Variants in RYR3 observed in about 807,000 individuals in gnomAD.
The protein encoded by RYR3 is brain ryanodine receptor-calcium release channel.
In RYR3, 207 loss-of-function variants were observed where a neutral mutation model predicts 584.3. The ratio of observed to expected loss-of-function variants is 0.35; its 90% CI spans 0.32 to 0.40. The LOEUF (loss-of-function observed/expected upper bound fraction) is 0.40. RYR3 is among the 10% of genes least tolerant of loss of function. The pLI is 1.00. For synonymous variants in RYR3, 2,416 were observed against 2,248.5 expected (o/e 1.07, Z -2.11); for missense variants, 5,616 against 6,089.2 (o/e 0.92, Z 2.59).
chr15:33,718,985 T>G (rs1238679782), intron 43 of RYR3, among the ~76,000 whole-genome samples: 1 of 152,198 alleles, frequency 6.6e-6, no homozygotes, highest in Non-Finnish European at 1.5e-5. Context: ...TCAAGGTCAA[T>G]ATCTAGCTTT....
In RYR3 at chr15:33,669,275, G is replaced by GTC. The variant is rs2063675728; in HGVS notation, c.5620-78_5620-77insCT. On this transcript the variant is annotated intron_variant, in intron 36 of 103. Coordinates refer to ENST00000634891, the MANE Select transcript of RYR3 (RefSeq NM_001036.6). ...TAAAATAAATTTGAAAAGAATGTAAGTGTCTGTCTAAGGCAGGATCTGAGT... is the reference window on the plus strand; with the variant it reads ...TAAAATAAATTTGAAAAGAATGTAAGTCTGTCTGTCTAAGGCAGGATCTGAGT... 3 of 1,022,948 alleles carry GTC rather than the reference G, an allele frequency of 2.9e-6. No individual in the cohort carries two copies. The African/African-American group carries it at 4.9e-5, about 17-fold the overall frequency. 63.4% of individuals were successfully genotyped at this position (1,022,948 alleles called of 1,614,324 possible).
intron 48 of RYR3, among the ~76,000 whole-genome samples, chr15:33,735,835 T>C (rs1341684286): frequency 6.6e-6 from 1 of 152,212 alleles, no homozygotes; most frequent in Non-Finnish European, 1.5e-5. Context: ...GTAGGTGGCC[T>C]CAGATTCCAC....
chr15:33,783,343 AGTCTTGC>A (rs1030666339), intron 65 of RYR3, among the ~76,000 whole-genome samples: 1 of 152,346 alleles, frequency 6.6e-6, no homozygotes, highest in Non-Finnish European at 1.5e-5. Context: ...TCCCCCTAAC[AGTCTTGC>A]GTCTGATTCT....
chr15:33,506,715 C>T (rs1192466769), intron 3 of RYR3, among the ~76,000 whole-genome samples: 3 of 152,176 alleles, frequency 2.0e-5, no homozygotes, highest in Non-Finnish European at 4.4e-5. Context: ...CCTCTTGGAA[C>T]TTTCTCACAA....
At chr15:33,347,947 AT>A (rs139105934) in intron 1 of RYR3, among the ~76,000 whole-genome samples, 214 of 146,136 alleles carry the variant, frequency 1.5e-3, no homozygotes, top group Middle Eastern at 3.5e-3. Flanking sequence ...TGCTACTGGC[AT>A]TTTTTTTTTT....
chr15:33,632,371 C>T (rs1321428023), intron 23 of RYR3, among the ~76,000 whole-genome samples: 1 of 152,236 alleles, frequency 6.6e-6, no homozygotes, highest in East Asian at 1.9e-4. Context: ...TCCACTTCTT[C>T]CCATTATCAG....
At chr15:33,472,078 A>G (rs995711321) in intron 1 of RYR3, among the ~76,000 whole-genome samples, 7 of 152,240 alleles carry the variant, frequency 4.6e-5, no homozygotes, top group African/African-American at 7.2e-5. Context: ...TTCTGATTTT[A>G]CTATAAGCAA....
chr15:33,424,988 G>A (rs1436213855), intron 1 of RYR3, among the ~76,000 whole-genome samples: 1 of 152,170 alleles, frequency 6.6e-6, no homozygotes, highest in Non-Finnish European at 1.5e-5. Flanking sequence ...ACAGCAATCA[G>A]CCCCATTCCC....
intron 1 of RYR3, among the ~76,000 whole-genome samples, chr15:33,374,654 A>T (rs2040592628): frequency 6.6e-6 from 1 of 152,178 alleles, no homozygotes; most frequent in South Asian, 2.1e-4. Context: ...ATTGGGGTTT[A>T]AAAAAATGAC....
intron 1 of RYR3, among the ~76,000 whole-genome samples, chr15:33,326,167 A>C (rs1969676905): frequency 6.6e-6 from 1 of 152,172 alleles, no homozygotes; most frequent in Non-Finnish European, 1.5e-5. Flanking sequence ...TGTCTACTGA[A>C]CTAAATCAAA....
At position 33,595,659 on chromosome 15, in the gene RYR3, C is replaced by G. The variant is rs951986931; in HGVS notation, c.1789-5760C>G. On this transcript the variant is annotated intron_variant, in intron 16 of 103. Coordinates refer to ENST00000634891, the MANE Select transcript of RYR3 (RefSeq NM_001036.6). ...GTTTATTTTGATTGACATCTTCTAT[C>G]GGGCCTGAAGATGAGCCTTCAATTG... Among the ~76,000 whole-genome samples, 3 of 152,122 alleles carry G rather than the reference C, an allele frequency of 2.0e-5. No individual in the cohort carries two copies. In the East Asian group the frequency reaches 5.8e-4, roughly 29 times the overall value.
rs552796399 is a variant in RYR3 at position 33,342,496 on chromosome 15, T to C, written c.51+31400T>C. Among the ~76,000 whole-genome samples, 108 of 152,338 alleles carry C rather than the reference T, an allele frequency of 7.1e-4. 1 individual carries two copies. Among genetic ancestry groups the C allele is most frequent in the Middle Eastern group, 3.4e-3 (1 of 294 alleles). Reference sequence around the variant, plus strand: ...GATGCATTTATATCTATTGACTAAGTATTGAAAATATATTAATAGGTAGGG... The same window carrying C: ...GATGCATTTATATCTATTGACTAAGCATTGAAAATATATTAATAGGTAGGG... On this transcript the variant is annotated intron_variant, in intron 1 of 103. Coordinates refer to ENST00000634891, the MANE Select transcript of RYR3 (RefSeq NM_001036.6).
intron 3 of RYR3, among the ~76,000 whole-genome samples, chr15:33,515,695 C>G (rs1251335964): frequency 2.6e-5 from 4 of 152,206 alleles, no homozygotes; most frequent in Admixed American, 2.0e-4. Flanking sequence ...TGGGCTGAAC[C>G]CTGGTCCAAA....
intron 1 of RYR3, among the ~76,000 whole-genome samples, chr15:33,368,575 C>T (rs946948053): frequency 4.6e-5 from 7 of 151,984 alleles, no homozygotes; most frequent in African/African-American, 9.7e-5. Context: ...ATGGATGAGC[C>T]TCCTGGTCCT....
At chr15:33,677,406 T>C (rs16957427) in intron 38 of RYR3, among the ~76,000 whole-genome samples, 1,540 of 152,280 alleles carry the variant, frequency 0.01, 25 homozygotes, top group African/African-American at 0.034. Flanking sequence ...TCATCTTTAT[T>C]TCAGAGGCAT....
At chr15:33,534,107 G>T (rs964272998) in intron 5 of RYR3, among the ~76,000 whole-genome samples, 1 of 152,128 alleles carries the variant, frequency 6.6e-6, no homozygotes, top group Non-Finnish European at 1.5e-5. Flanking sequence ...GTTTAAAAGG[G>T]TAGTAAAAAT....
chr15:33,513,912 A>G (rs1243167164), intron 3 of RYR3, among the ~76,000 whole-genome samples: 1 of 152,174 alleles, frequency 6.6e-6, no homozygotes, highest in Non-Finnish European at 1.5e-5. Flanking sequence ...TACCCTTCCT[A>G]TATTGATGAT....
At position 33,662,178 on chromosome 15, in the gene RYR3, G is replaced by T; in HGVS notation, c.4648G>T (p.Glu1550Ter). 1 of 1,602,964 alleles carries T rather than the reference G, an allele frequency of 6.2e-7. No individual in the cohort carries two copies. The highest frequency in any genetic ancestry group is 1.1e-5 in the South Asian group (1 of 88,656). ...GTGTGTGGATATCCTGGAGCTCTGT[G>T]AGCAGGAGGACCTGATGCGGTTCCA... The part of the protein sequence containing the change: ...NRCVDILELC[E>*]QEDLMRFHYH... The change falls in exon 35 of 104, where the codon GAG (glutamate) becomes TAG (stop). Residue 1550 changes from glutamate (E) to a stop codon, truncating the protein, a stop_gained. Coordinates refer to ENST00000634891, the MANE Select transcript of RYR3 (RefSeq NM_001036.6). LOFTEE classifies it high-confidence loss of function.
Position 33,823,220 on chromosome 15 carries a change from G to A in RYR3, c.11072+148G>A, listed in dbSNP as rs1162075569. ...TTAGAAAGCTAAGAGAGTAGGTGTT[G>A]TTCCTCCAGCCTTCAGGATGACAAT... On this transcript the variant is annotated intron_variant, in intron 81 of 103. Coordinates refer to ENST00000634891, the MANE Select transcript of RYR3 (RefSeq NM_001036.6). 4 of 604,748 alleles carry A rather than the reference G, an allele frequency of 6.6e-6. No homozygotes were observed. The East Asian group carries it at 8.5e-5, about 13-fold the overall frequency. The allele number at this position is 604,748 out of a possible 1,614,324, so 37.5% of individuals were successfully genotyped here.
Sources: allele counts gnomAD v4.1 joint callset (sites outside exome capture counted in the v4.1 genomes callset), GRCh38; gene constraint gnomAD v4.1.1; transcripts MANE v1.5; gene names NCBI Gene and HGNC (gene_info 2026-07-23, HGNC 2026-07-21).